PCDH9: variants seen among roughly 807,000 people sequenced by gnomAD.
PCDH9 encodes the protein protocadherin 9, also known as protocadherin-9.
In PCDH9, 24 loss-of-function variants were observed where a neutral mutation model predicts 70.6. The ratio of observed to expected loss-of-function variants is 0.34; its 90% CI spans 0.25 to 0.48. The LOEUF (loss-of-function observed/expected upper bound fraction) is 0.48. Among genes scored for constraint, PCDH9 ranks in the 20% least tolerant of loss-of-function variants. PCDH9 has a pLI of 0.99. For synonymous variants in PCDH9, 562 were observed against 558.5 expected (o/e 1.01, Z -0.09); for missense variants, 1,281 against 1,503.6 (o/e 0.85, Z 2.45).
In PCDH9 at chr13:67,194,852, C is replaced by CA. The variant is rs1345916684; in HGVS notation, c.3036+30552dup. On this transcript the variant is annotated intron_variant, in intron 2 of 4. Transcript: ENST00000377865. ...TAGAGTAGATGTCGAAATATAGGAACAAAACAAAATAAAACAAAAATGTTT... is the reference window on the plus strand; with the variant it reads ...TAGAGTAGATGTCGAAATATAGGAACAAAAACAAAATAAAACAAAAATGTTT... Among the ~76,000 whole-genome samples, 9 of 151,674 alleles carry CA rather than the reference C, an allele frequency of 5.9e-5. No homozygotes were observed. In the South Asian group the frequency reaches 6.3e-4, roughly 11 times the overall value.
intron 2 of PCDH9, among the ~76,000 whole-genome samples, chr13:67,147,237 A>G (rs2138375166): frequency 6.6e-6 from 1 of 152,324 alleles, no homozygotes; most frequent in Non-Finnish European, 1.5e-5. Flanking sequence ...GGATGCTTAA[A>G]CTTTCTATCA....
chr13:66,829,291 A>G (rs2080881609), intron 3 of PCDH9, among the ~76,000 whole-genome samples: 1 of 152,210 alleles, frequency 6.6e-6, no homozygotes, highest in Non-Finnish European at 1.5e-5. Flanking sequence ...TGTTGAGATT[A>G]CAGGCGTGAG....
At chr13:66,700,958 ATATATATATATAC>A in intron 3 of PCDH9, among the ~76,000 whole-genome samples, 1 of 127,832 alleles carries the variant, frequency 7.8e-6, no homozygotes, top group African/African-American at 3.0e-5. Context: ...ATATATATAT[ATATATATATATAC>A]TTTTTCACAG....
At chr13:67,164,845 AT>A in intron 2 of PCDH9, among the ~76,000 whole-genome samples, 1 of 152,168 alleles carries the variant, frequency 6.6e-6, no homozygotes, top group Non-Finnish European at 1.5e-5. Flanking sequence ...GAACTTCTGC[AT>A]CCCTCCTCTT....
intron 2 of PCDH9, among the ~76,000 whole-genome samples, chr13:67,002,783 T>C (rs995244928): frequency 6.6e-6 from 1 of 152,054 alleles, no homozygotes; most frequent in East Asian, 1.9e-4. Context: ...TATTTTGGTA[T>C]TTTTGTCTCT....
intron 4 of PCDH9, among the ~76,000 whole-genome samples, chr13:66,368,227 T>C (rs1956585399): frequency 6.6e-6 from 1 of 151,916 alleles, no homozygotes; most frequent in South Asian, 2.1e-4. Flanking sequence ...ACTAAATGAG[T>C]TAAAATTTTA....
At chr13:67,195,028 A>G (rs1004850130) in intron 2 of PCDH9, among the ~76,000 whole-genome samples, 4 of 152,180 alleles carry the variant, frequency 2.6e-5, no homozygotes, top group African/African-American at 7.2e-5. Flanking sequence ...GTGAAAACTG[A>G]GAAATTTCCG....
chr13:67,151,787 C>A (rs1383039757), intron 2 of PCDH9, among the ~76,000 whole-genome samples: 1 of 151,986 alleles, frequency 6.6e-6, no homozygotes, highest in Non-Finnish European at 1.5e-5. Context: ...GCTTTTGAGG[C>A]CTCATAAAGG....
intron 2 of PCDH9, chr13:67,209,590 A>G (rs1333343022): frequency 6.6e-6 from 1 of 152,126 alleles, no homozygotes; most frequent in Non-Finnish European, 1.5e-5. Context: ...GGTACAATGC[A>G]GTAAGTAGTA....
intron 2 of PCDH9, among the ~76,000 whole-genome samples, chr13:67,175,858 G>T (rs1287546536): frequency 6.6e-6 from 1 of 151,748 alleles, no homozygotes; most frequent in African/African-American, 2.4e-5. Flanking sequence ...AGATTTTAGA[G>T]ATGCACCAAA....
intron 4 of PCDH9, among the ~76,000 whole-genome samples, chr13:66,480,979 C>T (rs568411251): frequency 7.4e-4 from 113 of 152,168 alleles, no homozygotes; most frequent in Admixed American, 2.5e-3. Flanking sequence ...ACTGTGCAGC[C>T]ATAACAAAGG....
chr13:66,894,613 A>C (rs2082147019), intron 3 of PCDH9, among the ~76,000 whole-genome samples: 1 of 152,128 alleles, frequency 6.6e-6, no homozygotes, highest in Non-Finnish European at 1.5e-5. Context: ...GTGAAACACC[A>C]AACAATATCT....
At chr13:66,444,043 T>C (rs1958024022) in intron 4 of PCDH9, among the ~76,000 whole-genome samples, 2 of 152,294 alleles carry the variant, frequency 1.3e-5, no homozygotes. Context: ...TTATCTCTAA[T>C]CCCTGGCTAG....
chr13:67,044,501 G>A (rs1028054359), intron 2 of PCDH9, among the ~76,000 whole-genome samples: 2 of 152,080 alleles, frequency 1.3e-5, no homozygotes, highest in East Asian at 1.9e-4. Flanking sequence ...GCACACACAC[G>A]TACAAAGTGC....
At chr13:66,318,797 G>T (rs1311484201) in intron 4 of PCDH9, among the ~76,000 whole-genome samples, 1 of 152,116 alleles carries the variant, frequency 6.6e-6, no homozygotes, top group Non-Finnish European at 1.5e-5. Flanking sequence ...TTTCCATCTA[G>T]ATTTGCTTTC....
chr13:67,120,607 T>C (rs1594538899), intron 2 of PCDH9, among the ~76,000 whole-genome samples: 1 of 152,300 alleles, frequency 6.6e-6, no homozygotes, highest in Non-Finnish European at 1.5e-5. Flanking sequence ...GCTGTTTTAT[T>C]ATTGCTTACA....
intron 3 of PCDH9, among the ~76,000 whole-genome samples, chr13:66,773,870 C>A (rs561558604): frequency 6.6e-6 from 1 of 151,236 alleles, no homozygotes; most frequent in East Asian, 2.0e-4. Flanking sequence ...CTCTGCCTCC[C>A]GGGTTCAAGC....
At chr13:66,518,421 C>T (rs117908455) in intron 4 of PCDH9, among the ~76,000 whole-genome samples, 1,647 of 152,114 alleles carry the variant, frequency 0.011, 37 homozygotes, top group East Asian at 0.092. Context: ...ATCAATAAAA[C>T]CACAATGAGA....
intron 3 of PCDH9, among the ~76,000 whole-genome samples, chr13:66,771,147 A>G (rs921471332): frequency 6.6e-6 from 1 of 152,092 alleles, no homozygotes; most frequent in Non-Finnish European, 1.5e-5. Context: ...CACAGATGCA[A>G]TCATGATGTA....
Sources: gnomAD v4.1 joint callset for allele counts (sites outside exome capture counted in the v4.1 genomes callset) on GRCh38, gnomAD v4.1.1 for gene constraint, MANE v1.5 for transcripts, NCBI Gene and HGNC (gene_info 2026-07-23, HGNC 2026-07-21) for gene names.